Variants in RHOBTB1 observed in about 807,000 individuals in gnomAD.
RHOBTB1 encodes the protein Rho related BTB domain containing 1.
In RHOBTB1, 40 loss-of-function variants were observed where a neutral mutation model predicts 71.6. The observed-to-expected ratio is 0.56, with a 90% CI of 0.43 to 0.73. The LOEUF is 0.73. Among genes scored for constraint, RHOBTB1 ranks in the 30% least tolerant of loss-of-function variants. The pLI is 0.00. For missense variants in RHOBTB1, 797 were observed against 894.0 expected (o/e 0.89, Z 1.38); for synonymous variants, 319 against 334.9 (o/e 0.95, Z 0.52).
intron 8 of RHOBTB1, among the ~76,000 whole-genome samples, chr10:60,875,714 T>A (rs1043599675): frequency 7.9e-5 from 12 of 152,222 alleles, no homozygotes; most frequent in African/African-American, 2.9e-4. Context: ...GCCTCTTGGA[T>A]TCTAAAGACT....
downstream of RHOBTB1, among the ~76,000 whole-genome samples, chr10:60,868,213 A>G (rs893461501): frequency 1.3e-5 from 2 of 152,198 alleles, no homozygotes; most frequent in Non-Finnish European, 2.9e-5. Flanking sequence ...GAAAAGAGAA[A>G]TTATTGCTAT....
chr10:60,875,173 A>G, intron 8 of RHOBTB1, 131 bp from the exon 9 acceptor site: 1 of 665,476 alleles, frequency 1.5e-6, no homozygotes, highest in Admixed American at 2.4e-5. Context: ...AGGCATCTGA[A>G]TTAAATCCAG....
chr10:60,875,040 G>A lies in RHOBTB1; in HGVS notation c.1729C>T (p.Gln577Ter). The A allele has an allele frequency of 6.2e-7, 1 of 1,613,616 alleles. No homozygotes were observed. The highest frequency in any genetic ancestry group is 8.5e-7 in the Non-Finnish European group (1 of 1,179,522). The change falls in exon 9 of 11, where the codon CAG (glutamine) becomes TAG (stop). Residue 577 changes from glutamine (Q) to a stop codon, truncating the protein, a stop_gained and splice_region_variant. Coordinates refer to ENST00000337910, the MANE Select transcript of RHOBTB1 (RefSeq NM_014836.5). LOFTEE classifies it high-confidence loss of function. ...CLPHLVALAE[Q>*]HAVQELTKAA... is the part of the protein sequence containing the mutation. ...TTGGTCAACTCCTGAACGGCATGCT[G>A]TTCTGGGGAAGAGAGAGGGGGCAGG...
At chr10:60,999,816 A>G (rs1436258431) in intron 1 of RHOBTB1, among the ~76,000 whole-genome samples, 1 of 152,246 alleles carries the variant, frequency 6.6e-6, no homozygotes, top group Non-Finnish European at 1.5e-5. Flanking sequence ...TCTTAGTTTC[A>G]GAAGTTCACT....
At chr10:60,874,468 A>C (rs541477015) in intron 9 of RHOBTB1, among the ~76,000 whole-genome samples, 2 of 152,174 alleles carry the variant, frequency 1.3e-5, no homozygotes, top group South Asian at 4.1e-4. Flanking sequence ...TGAATCTTGG[A>C]CCTTCTCTGG....
At chr10:60,864,815 C>T (rs2080629902), downstream of RHOBTB1, among the ~76,000 whole-genome samples, 1 of 152,106 alleles carries the variant, frequency 6.6e-6, no homozygotes. Flanking sequence ...GCCTTAGCCT[C>T]GCATAGCTAG....
In RHOBTB1 at chr10:60,878,074, A is replaced by G; in HGVS notation, c.1576-16T>C. 5 of 1,605,706 alleles carry G rather than the reference A, an allele frequency of 3.1e-6. No individual in the cohort carries two copies. Among genetic ancestry groups the G allele is most frequent in the Non-Finnish European group, 4.3e-6 (5 of 1,175,836 alleles). Reference sequence around the variant, plus strand: ...GGAGATACACCTGAAATGTTATACAAAAAGCTAAATTCTGCTGCAGAAAGC... The same window carrying G: ...GGAGATACACCTGAAATGTTATACAGAAAGCTAAATTCTGCTGCAGAAAGC... On this transcript the variant is annotated splice_polypyrimidine_tract_variant and intron_variant, in intron 7 of 10. Coordinates refer to ENST00000337910, the MANE Select transcript of RHOBTB1 (RefSeq NM_014836.5).
chr10:60,909,676 TCAA>T (rs1206538370), intron 4 of RHOBTB1, among the ~76,000 whole-genome samples: 3 of 151,802 alleles, frequency 2.0e-5, no homozygotes, highest in African/African-American at 7.3e-5. Context: ...AAGATAACAA[TCAA>T]CAACATTATA....
intron 2 of RHOBTB1, among the ~76,000 whole-genome samples, chr10:60,970,441 A>C (rs2086114838): frequency 6.6e-6 from 1 of 152,074 alleles, no homozygotes; most frequent in Non-Finnish European, 1.5e-5. Context: ...TTAGTTCCTT[A>C]GATCAAATAT....
chr10:60,915,975 T>G (rs909097403), intron 2 of RHOBTB1, among the ~76,000 whole-genome samples: 1 of 152,138 alleles, frequency 6.6e-6, no homozygotes, highest in African/African-American at 2.4e-5. Context: ...CCAGAAACAT[T>G]TTGCCTCTGA....
At chr10:60,894,260 T>C (rs2082059036) in intron 4 of RHOBTB1, among the ~76,000 whole-genome samples, 1 of 152,128 alleles carries the variant, frequency 6.6e-6, no homozygotes, top group African/African-American at 2.4e-5. Flanking sequence ...TAAATTTATA[T>C]CCAAGAAAAG....
chr10:60,872,217 T>C lies in RHOBTB1; in HGVS notation c.1889A>G (p.Lys630Arg). The C allele has an allele frequency of 6.2e-7, 1 of 1,614,060 alleles. No individual in the cohort carries two copies. Among genetic ancestry groups the C allele is most frequent in the Non-Finnish European group, 8.5e-7 (1 of 1,179,962 alleles). The change falls in exon 10 of 11, where the codon AAG becomes AGG. Residue 630 changes from lysine to arginine, a missense_variant. By Grantham distance (26) the Lys-to-Arg change is conservative. Coordinates refer to ENST00000337910, the MANE Select transcript of RHOBTB1 (RefSeq NM_014836.5). ...ICTNYNSVCS[K>R]FRKEIKSKSA... ...TTTTGATTTGATTTCCTTACGGAAC[T>C]TGGAGCATACACTGTTGTAGTTGGT...
intron 2 of RHOBTB1, among the ~76,000 whole-genome samples, chr10:60,917,792 C>T (rs2083346730): frequency 6.6e-6 from 1 of 152,172 alleles, no homozygotes; most frequent in South Asian, 2.1e-4. Context: ...GCCACTCCTT[C>T]TTACCAACCC....
intron 2 of RHOBTB1, among the ~76,000 whole-genome samples, chr10:60,922,805 C>A (rs906318109): frequency 6.6e-6 from 1 of 152,194 alleles, no homozygotes. Context: ...TCTGCTTTTG[C>A]TTCCTCCAGC....
intron 4 of RHOBTB1, among the ~76,000 whole-genome samples, chr10:60,901,924 A>G (rs2082431879): frequency 6.6e-6 from 1 of 152,238 alleles, no homozygotes. Context: ...TGAGCCACAA[A>G]GAACCCAGCC....
intron 6 of RHOBTB1, among the ~76,000 whole-genome samples, chr10:60,887,239 G>A (rs1239928883): frequency 6.6e-6 from 1 of 152,150 alleles, no homozygotes; most frequent in East Asian, 1.9e-4. Context: ...GACTGTTTCT[G>A]TAACACAATG....
chr10:60,868,856 A>G (rs1268329126), downstream of RHOBTB1, among the ~76,000 whole-genome samples: 2 of 152,214 alleles, frequency 1.3e-5, no homozygotes, highest in African/African-American at 2.4e-5. Context: ...TGTGTTGGAC[A>G]TCTCATTGTT....
chr10:60,937,808 T>G (rs1000162138), intron 2 of RHOBTB1, among the ~76,000 whole-genome samples: 2 of 152,090 alleles, frequency 1.3e-5, no homozygotes, highest in African/African-American at 4.8e-5. Flanking sequence ...GAGACAAAAA[T>G]GATACAACTG....
intron 7 of RHOBTB1, among the ~76,000 whole-genome samples, chr10:60,880,337 T>C (rs2081274289): frequency 6.6e-6 from 1 of 152,070 alleles, no homozygotes; most frequent in South Asian, 2.1e-4. Flanking sequence ...GCTTATGCAC[T>C]CTGGCAGTGT....
Sources: allele counts gnomAD v4.1 joint callset (sites outside exome capture counted in the v4.1 genomes callset), GRCh38; gene constraint gnomAD v4.1.1; transcripts MANE v1.5; gene names NCBI Gene and HGNC (gene_info 2026-07-23, HGNC 2026-07-21).